The following HECW1 variants were observed in gnomAD, a reference collection of about 807,000 sequenced individuals.
HECW1 encodes the protein E3 ubiquitin-protein ligase HECW1.
Under a neutral mutation model 182.3 loss-of-function variants are expected in HECW1, and 61 were observed. That is an observed-to-expected ratio of 0.33 (90% CI 0.27 to 0.41). The LOEUF (loss-of-function observed/expected upper bound fraction) is 0.41, where lower values mean the gene tolerates loss of function less well. HECW1 is among the 10% of genes least tolerant of loss of function. HECW1 has a pLI of 1.00. For missense variants in HECW1, 1,739 were observed against 2,108.9 expected, an observed-to-expected ratio of 0.82 and a Z score of 3.44; for synonymous variants, 859 against 832.6, an observed-to-expected ratio of 1.03 and a Z score of -0.55.
At chr7:43,552,382 T>C (rs1349962800) in intron 28 of HECW1, 46 bp downstream of exon 28, 2 of 1,155,324 alleles carry the variant, frequency 1.7e-6, no homozygotes, top group Non-Finnish European at 2.6e-6. Flanking sequence ...CAAATAGAAC[T>C]CAGCACTTTC....
intron 3 of HECW1, among the ~76,000 whole-genome samples, chr7:43,261,623 A>G (rs1801189658): frequency 6.6e-6 from 1 of 152,138 alleles, no homozygotes; most frequent in African/African-American, 2.4e-5. Flanking sequence ...CCTTCAGTTA[A>G]ACACACGGGA....
chr7:43,409,431 C>T (rs1454608564), intron 8 of HECW1, among the ~76,000 whole-genome samples: 1 of 152,152 alleles, frequency 6.6e-6, no homozygotes, highest in African/African-American at 2.4e-5. Context: ...TTTAGAGGAA[C>T]CTGTTCTAAG....
chr7:43,320,839 A>T, intron 5 of HECW1, 97 bp downstream of exon 5: 2 of 866,634 alleles, frequency 2.3e-6, no homozygotes, highest in Non-Finnish European at 3.9e-6. Context: ...TCCACTAAGA[A>T]ATGGGCCCTC....
intron 5 of HECW1, among the ~76,000 whole-genome samples, chr7:43,354,676 G>A (rs10267325): frequency 0.47 from 71,538 of 151,886 alleles, 17,038 homozygotes; most frequent in African/African-American, 0.49. Flanking sequence ...AATTACCTCA[G>A]AAGACCAAAT....
At chr7:43,195,408 A>C (rs1794361820) in intron 2 of HECW1, among the ~76,000 whole-genome samples, 1 of 152,204 alleles carries the variant, frequency 6.6e-6, no homozygotes, top group South Asian at 2.1e-4. Context: ...GCCCTGGGCA[A>C]GGCTGGCTGC....
intron 2 of HECW1, among the ~76,000 whole-genome samples, chr7:43,137,528 T>TTCATTTA (rs1787681981): frequency 1.1e-4 from 16 of 147,544 alleles, no homozygotes; most frequent in East Asian, 1.0e-3. Flanking sequence ...TTCTGCCTTC[T>TTCATTTA]TTTATTTATT....
intron 9 of HECW1, chr7:43,440,671 T>A (rs887249739): frequency 2.6e-4 from 39 of 152,224 alleles, no homozygotes; most frequent in African/African-American, 9.2e-4. Context: ...CTGATTGTCT[T>A]TAGGCCTCCC....
intron 2 of HECW1, among the ~76,000 whole-genome samples, chr7:43,125,428 A>G (rs867290891): frequency 6.6e-6 from 1 of 152,062 alleles, no homozygotes; most frequent in South Asian, 2.1e-4. Flanking sequence ...TTCAATAACA[A>G]TATATATTTT....
At chr7:43,527,007 A>C (rs1308322747) in intron 24 of HECW1, among the ~76,000 whole-genome samples, 1 of 152,174 alleles carries the variant, frequency 6.6e-6, no homozygotes, top group East Asian at 1.9e-4. Context: ...AAAAGAAAAA[A>C]TTTTTGAGGC....
chr7:43,205,511 C>T (rs778056104), intron 2 of HECW1, among the ~76,000 whole-genome samples: 7 of 152,094 alleles, frequency 4.6e-5, no homozygotes, highest in Admixed American at 1.3e-4. Context: ...TGCTGCAAGT[C>T]GTAGTTCTTC....
intron 5 of HECW1, among the ~76,000 whole-genome samples, chr7:43,341,075 T>C (rs978335375): frequency 2.6e-5 from 4 of 151,458 alleles, no homozygotes; most frequent in African/African-American, 7.3e-5. Flanking sequence ...AACCAAACAC[T>C]GCATGTTCTC....
intron 3 of HECW1, among the ~76,000 whole-genome samples, chr7:43,302,951 G>GCGCGCGCACACACA (rs1421356447): frequency 1.0e-5 from 1 of 95,534 alleles, no homozygotes; most frequent in Non-Finnish European, 2.0e-5. Flanking sequence ...ACACACACAT[G>GCGCGCGCACACACA]CGCGCACACA....
At chr7:43,295,949 A>G (rs1180442196) in intron 3 of HECW1, among the ~76,000 whole-genome samples, 3 of 152,336 alleles carry the variant, frequency 2.0e-5, no homozygotes, top group East Asian at 1.9e-4. Context: ...CTTTTGACTT[A>G]GATATTTTCA....
At chr7:43,439,604 A>C (rs1184670618) in intron 9 of HECW1, 1 of 152,330 alleles carries the variant, frequency 6.6e-6, no homozygotes, top group African/African-American at 2.4e-5. Context: ...CCCAGCATGC[A>C]TTAGATAGAT....
chr7:43,554,069 C>T (rs1308851711), intron 28 of HECW1, among the ~76,000 whole-genome samples: 3 of 152,212 alleles, frequency 2.0e-5, no homozygotes, highest in Admixed American at 6.5e-5. Context: ...ATGTATCCAT[C>T]CAGGGCTGGC....
intron 8 of HECW1, among the ~76,000 whole-genome samples, chr7:43,415,857 C>T (rs1433748786): frequency 4.4e-5 from 6 of 135,762 alleles, no homozygotes; most frequent in South Asian, 2.8e-4. Context: ...ACGTAGTTCT[C>T]GAGCCTTGGT....
chr7:43,300,584 C>T (rs1432077629), intron 3 of HECW1, among the ~76,000 whole-genome samples: 3 of 152,186 alleles, frequency 2.0e-5, no homozygotes, highest in African/African-American at 4.8e-5. Context: ...GCCATGCCTG[C>T]TTCACTCTTC....
chr7:43,420,890 G>A (rs1194440633), intron 8 of HECW1, among the ~76,000 whole-genome samples: 1 of 152,078 alleles, frequency 6.6e-6, no homozygotes, highest in African/African-American at 2.4e-5. Context: ...TGGTTTCAGC[G>A]ATATCCTAAT....
intron 3 of HECW1, among the ~76,000 whole-genome samples, chr7:43,250,173 T>TGCTACC: frequency 6.6e-6 from 1 of 151,528 alleles, no homozygotes; most frequent in African/African-American, 2.4e-5. Context: ...AAATACAAAA[T>TGCTACC]AAAACTGGAT....
Sources: allele counts gnomAD v4.1 joint callset (sites outside exome capture counted in the v4.1 genomes callset), GRCh38; gene constraint gnomAD v4.1.1; transcripts MANE v1.5; gene names NCBI Gene and HGNC (gene_info 2026-07-23, HGNC 2026-07-21).